Variants in AMZ2 observed in about 807,000 individuals in gnomAD.
AMZ2 encodes the protein archaelysin family metallopeptidase 2.
Under a neutral mutation model 36.7 loss-of-function variants are expected in AMZ2, and 26 were observed. The ratio of observed to expected loss-of-function variants is 0.71; its 90% CI spans 0.52 to 0.98. The LOEUF (loss-of-function observed/expected upper bound fraction) is 0.98, where lower values mean the gene tolerates loss of function less well. AMZ2 is among the 50% of genes least tolerant of loss of function. AMZ2 has a pLI of 0.00. For missense variants in AMZ2, 394 were observed against 430.5 expected, an observed-to-expected ratio of 0.92 and a Z score of 0.75; for synonymous variants, 144 against 149.1, an observed-to-expected ratio of 0.97 and a Z score of 0.25.
chr17:68,211,142 G>A (rs2073033153), intron 1 of AMZ2, among the ~76,000 whole-genome samples: 1 of 152,170 alleles, frequency 6.6e-6, no homozygotes, highest in African/African-American at 2.4e-5. Flanking sequence ...ATACTTGCCA[G>A]GAAATGGGAG....
chr17:68,248,864 C>T (rs2074224630), intron 1 of AMZ2, 159 bp downstream of exon 1: 4 of 764,602 alleles, frequency 5.2e-6, no homozygotes, highest in South Asian at 6.2e-5. Flanking sequence ...TCTTCAACCC[C>T]AGAATTTATA....
chr17:68,218,951 A>G (rs527760206), intron 1 of AMZ2, among the ~76,000 whole-genome samples: 1 of 152,272 alleles, frequency 6.6e-6, no homozygotes, highest in South Asian at 2.1e-4. Flanking sequence ...GGTCACCCCT[A>G]AAGTGGTCTA....
chr17:68,239,020 C>T (rs1433851641), intron 1 of AMZ2, among the ~76,000 whole-genome samples: 6 of 152,124 alleles, frequency 3.9e-5, no homozygotes, highest in Non-Finnish European at 5.9e-5. Context: ...GAATGTGTTT[C>T]CCCCTAGAAA....
intron 1 of AMZ2, chr17:68,207,268 C>T (rs181888017): frequency 2.7e-5 from 4 of 147,358 alleles, no homozygotes; most frequent in African/African-American, 1.0e-4. Context: ...TGTTTTCACA[C>T]AGAAAAGTTT....
upstream of AMZ2, among the ~76,000 whole-genome samples, chr17:68,246,032 G>A (rs527394401): frequency 3.3e-5 from 5 of 152,076 alleles, no homozygotes; most frequent in East Asian, 1.9e-4. Flanking sequence ...TAGGTGGGGC[G>A]CGGTGGCTCA....
At chr17:68,238,956 T>C (rs1229903801) in intron 1 of AMZ2, among the ~76,000 whole-genome samples, 1 of 152,218 alleles carries the variant, frequency 6.6e-6, no homozygotes, top group Non-Finnish European at 1.5e-5. Context: ...AGCCTCAGTT[T>C]GCAGGCAGGA....
intron 1 of AMZ2, chr17:68,249,671 T>C (rs1219383763): frequency 1.4e-5 from 2 of 145,746 alleles, no homozygotes; most frequent in African/African-American, 5.2e-5. Context: ...TTTTTTTTTT[T>C]TGTTTTGGAC....
intron 1 of AMZ2, among the ~76,000 whole-genome samples, chr17:68,226,569 A>G (rs1860035): frequency 0.083 from 12,624 of 152,266 alleles, 733 homozygotes; most frequent in Non-Finnish European, 0.12. Context: ...CAATGGACCT[A>G]TTCTGGTCAA....
chr17:68,209,632 A>ATATATATATATATATT, intron 1 of AMZ2, among the ~76,000 whole-genome samples: 1 of 90,700 alleles, frequency 1.1e-5, no homozygotes, highest in African/African-American at 5.0e-5. Flanking sequence ...ATATATATAT[A>ATATATATATATATATT]TTTTTTTTTT....
At chr17:68,228,885 C>T (rs527630431) in intron 1 of AMZ2, among the ~76,000 whole-genome samples, 1 of 152,360 alleles carries the variant, frequency 6.6e-6, no homozygotes, top group East Asian at 1.9e-4. Flanking sequence ...GCTGCTTCCG[C>T]GTGTGCTGGC....
At chr17:68,213,802 T>A (rs2073126599) in intron 1 of AMZ2, among the ~76,000 whole-genome samples, 1 of 151,816 alleles carries the variant, frequency 6.6e-6, no homozygotes, top group Non-Finnish European at 1.5e-5. Context: ...TTCTCTCCAG[T>A]TTTCCTCTTT....
At chr17:68,210,563 C>G (rs148880107) in intron 1 of AMZ2, among the ~76,000 whole-genome samples, 1 of 152,070 alleles carries the variant, frequency 6.6e-6, no homozygotes. Flanking sequence ...TTAATAGGTA[C>G]GAGTTTCCAT....
intron 4 of AMZ2, 30 bp downstream of exon 4, chr17:68,251,208 G>A (rs782688689): frequency 1.3e-6 from 2 of 1,590,918 alleles, no homozygotes; most frequent in South Asian, 1.2e-5. Context: ...GTTGTTAGAA[G>A]CTTCTTCAGC....
intron 6 of AMZ2, among the ~76,000 whole-genome samples, chr17:68,256,419 GT>G (rs1171961584): frequency 2.6e-5 from 4 of 152,158 alleles, no homozygotes; most frequent in Non-Finnish European, 5.9e-5. Flanking sequence ...CTACACATGT[GT>G]TTTCACATAC....
intron 1 of AMZ2, among the ~76,000 whole-genome samples, chr17:68,234,644 C>A (rs1215459304): frequency 6.6e-6 from 1 of 151,850 alleles, no homozygotes; most frequent in Non-Finnish European, 1.5e-5. Flanking sequence ...GTGGCACACA[C>A]CTATAGTCTT....
Position 68,250,924 on chromosome 17 carries a change from C to T in AMZ2, c.414C>T (p.Ser138=), listed in dbSNP as rs1555739315. The change falls in exon 3 of 7, where the codon TCC becomes TCT. Residue 138 remains serine, a synonymous_variant. Coordinates refer to ENST00000359904, the MANE Select transcript of AMZ2 (RefSeq NM_016627.5). ...TTCCTGTTTCTGTAACAAGATGTTC[C>T]TTTAGAGTCAATGAGAACACACACA... ...EPVPVSVTRC[S]FRVNENTHNL... 1.2e-6 allele frequency: 2 copies of T among 1,610,294 alleles called. No homozygotes were observed. Among genetic ancestry groups the T allele is most frequent in the South Asian group, 2.2e-5 (2 of 89,638 alleles).
chr17:68,236,722 C>T (rs1661472016), intron 1 of AMZ2, among the ~76,000 whole-genome samples: 1 of 151,796 alleles, frequency 6.6e-6, no homozygotes, highest in Non-Finnish European at 1.5e-5. Flanking sequence ...CAGGCACCCA[C>T]CACCACATCC....
intron 4 of AMZ2, chr17:68,251,419 A>T (rs536887053): frequency 3.9e-4 from 154 of 396,940 alleles, no homozygotes; most frequent in Non-Finnish European, 5.1e-4. Flanking sequence ...AGTCATTTGG[A>T]GATAATTTAC....
chr17:68,212,876 C>G (rs1431417703), intron 1 of AMZ2, among the ~76,000 whole-genome samples: 4 of 152,058 alleles, frequency 2.6e-5, no homozygotes. Context: ...CCAATTTTTT[C>G]CTTTTACTGT....
Sources: allele counts gnomAD v4.1 joint callset (sites outside exome capture counted in the v4.1 genomes callset), GRCh38; gene constraint gnomAD v4.1.1; transcripts MANE v1.5; gene names NCBI Gene and HGNC (gene_info 2026-07-23, HGNC 2026-07-21).